Variants in GRAMD1B observed in about 807,000 individuals in gnomAD.
The protein encoded by GRAMD1B is protein Aster-B.
A neutral mutation model predicts 99.7 loss-of-function variants in GRAMD1B; 37 were observed. The observed-to-expected ratio is 0.37, with a 90% CI of 0.29 to 0.49. The LOEUF is 0.49. Among genes scored for constraint, GRAMD1B ranks in the 20% least tolerant of loss-of-function variants. The probability of loss-of-function intolerance (pLI) is 0.98; values close to 1 mark genes in which losing one functional copy is unlikely to be tolerated. For synonymous variants in GRAMD1B, 427 were observed against 387.6 expected (o/e 1.10, Z -1.19); for missense variants, 888 against 1,009.2 (o/e 0.88, Z 1.63).
chr11:123,586,663 C>G (rs916491120), intron 4 of GRAMD1B, among the ~76,000 whole-genome samples: 1 of 152,220 alleles, frequency 6.6e-6, no homozygotes, highest in Non-Finnish European at 1.5e-5. Context: ...CACCCCTCCA[C>G]AGCTGTCATC....
chr11:123,484,520 T>C (rs1028840059), intron 2 of GRAMD1B, among the ~76,000 whole-genome samples: 1 of 152,160 alleles, frequency 6.6e-6, no homozygotes, highest in African/African-American at 2.4e-5. Context: ...CCCGGGTCCT[T>C]TGTTCCCATC....
intron 2 of GRAMD1B, among the ~76,000 whole-genome samples, chr11:123,544,683 G>C (rs896958467): frequency 6.6e-6 from 1 of 152,228 alleles, no homozygotes; most frequent in East Asian, 1.9e-4. Flanking sequence ...GCCCACAGCG[G>C]CGGTTGTCAT....
chr11:123,592,049 A>G (rs1950719907), intron 4 of GRAMD1B, among the ~76,000 whole-genome samples: 1 of 152,202 alleles, frequency 6.6e-6, no homozygotes. Flanking sequence ...GCACTAGGAC[A>G]GGAAATTAGA....
intron 2 of GRAMD1B, among the ~76,000 whole-genome samples, chr11:123,541,765 C>G (rs1397019488): frequency 6.6e-6 from 1 of 152,138 alleles, no homozygotes; most frequent in Non-Finnish European, 1.5e-5. Flanking sequence ...GTTTCTACAT[C>G]TGGAATTATT....
At chr11:123,491,002 G>A (rs746307894) in intron 2 of GRAMD1B, among the ~76,000 whole-genome samples, 1 of 152,158 alleles carries the variant, frequency 6.6e-6, no homozygotes, top group Non-Finnish European at 1.5e-5. Context: ...ATTAATTCTG[G>A]GACTTTTTTT....
At chr11:123,400,231 T>C (rs7120872) in intron 1 of GRAMD1B, among the ~76,000 whole-genome samples, 87,485 of 151,904 alleles carry the variant, frequency 0.58, 28,280 homozygotes, top group African/African-American at 0.9. Flanking sequence ...AATCCCAGCA[T>C]TTTGGGAGGC....
chr11:123,386,864 G>A (rs950303679), intron 1 of GRAMD1B, among the ~76,000 whole-genome samples: 2 of 152,208 alleles, frequency 1.3e-5, no homozygotes, highest in African/African-American at 2.4e-5. Context: ...CCCTTTCCTT[G>A]GCTGTGAAAT....
intron 1 of GRAMD1B, among the ~76,000 whole-genome samples, chr11:123,423,251 C>T (rs1351217430): frequency 6.7e-6 from 1 of 150,258 alleles, no homozygotes; most frequent in African/African-American, 2.5e-5. Context: ...GACACACACA[C>T]ACACACACAC....
At chr11:123,499,634 C>T (rs1939651675) in intron 2 of GRAMD1B, among the ~76,000 whole-genome samples, 1 of 152,148 alleles carries the variant, frequency 6.6e-6, no homozygotes, top group African/African-American at 2.4e-5. Context: ...TTTTTCTTTG[C>T]CATTTCTCCT....
chr11:123,407,448 T>G (rs574642332), intron 1 of GRAMD1B, among the ~76,000 whole-genome samples: 112 of 152,306 alleles, frequency 7.4e-4, no homozygotes, highest in African/African-American at 2.6e-3. Flanking sequence ...GACCCAGGAC[T>G]CTCTTGTTTG....
intron 1 of GRAMD1B, among the ~76,000 whole-genome samples, chr11:123,383,433 A>G (rs1946952274): frequency 1.3e-5 from 2 of 152,196 alleles, no homozygotes; most frequent in Admixed American, 6.5e-5. Flanking sequence ...CATCTGTAAA[A>G]TGTTGGTAAT....
rs370016292 is a variant in GRAMD1B at position 123,440,679 on chromosome 11, TAAAGA to T, written c.374+9520_374+9524del. Among the ~76,000 whole-genome samples the T allele has an allele frequency of 1.1e-4, 17 of 152,346 alleles. No homozygotes were observed. The East Asian group carries it at 3.1e-3, about 28-fold the overall frequency. On this transcript the variant is annotated intron_variant, in intron 1 of 19. Coordinates refer to ENST00000635736, the MANE Select transcript of GRAMD1B (RefSeq NM_001387025.1). ...GTAATACCTGAGACTGGGTAACTTATAAAGAAAAGAAGTTTATTTGGCTCATGGTT... is the reference window on the plus strand; with the variant it reads ...GTAATACCTGAGACTGGGTAACTTATAAAGAAGTTTATTTGGCTCATGGTT...
intron 17 of GRAMD1B, chr11:123,618,344 G>A (rs757116544): frequency 1.9e-6 from 3 of 1,612,714 alleles, no homozygotes; most frequent in Non-Finnish European, 1.7e-6. Context: ...GCTCCCATTA[G>A]GATCTGTTTC....
chr11:123,552,754 C>A (rs895525220), intron 2 of GRAMD1B, among the ~76,000 whole-genome samples: 2 of 152,132 alleles, frequency 1.3e-5, no homozygotes, highest in African/African-American at 4.8e-5. Flanking sequence ...CTCTTTGACT[C>A]AATTTTCTCT....
intron 2 of GRAMD1B, among the ~76,000 whole-genome samples, chr11:123,548,345 CACACATATATAT>C (rs1945272617): frequency 8.6e-6 from 1 of 116,094 alleles, no homozygotes; most frequent in African/African-American, 4.3e-5. Flanking sequence ...CACACACACA[CACACATATATAT>C]ATATATGTAC....
At chr11:123,545,010 C>T (rs117444916) in intron 2 of GRAMD1B, among the ~76,000 whole-genome samples, 2,617 of 152,310 alleles carry the variant, frequency 0.017, 34 homozygotes, top group Non-Finnish European at 0.026. Context: ...TGATGTGCAG[C>T]GTGTCAAGTG....
chr11:123,528,060 G>C (rs377732563), intron 2 of GRAMD1B, among the ~76,000 whole-genome samples: 6 of 152,168 alleles, frequency 3.9e-5, no homozygotes, highest in South Asian at 2.1e-4. Flanking sequence ...GTGACCCACT[G>C]TCTCATTAAG....
chr11:123,436,737 T>C (rs983002803), intron 1 of GRAMD1B, among the ~76,000 whole-genome samples: 2 of 152,222 alleles, frequency 1.3e-5, no homozygotes, highest in African/African-American at 4.8e-5. Flanking sequence ...TTAACTACCA[T>C]TGAACATAAG....
At chr11:123,437,745 G>A (rs556202129) in intron 1 of GRAMD1B, among the ~76,000 whole-genome samples, 3 of 152,298 alleles carry the variant, frequency 2.0e-5, no homozygotes, top group South Asian at 4.1e-4. Flanking sequence ...GCTGGCGTGT[G>A]GTTTGCCTGT....
Sources: gnomAD v4.1 joint callset for allele counts (sites outside exome capture counted in the v4.1 genomes callset) on GRCh38, gnomAD v4.1.1 for gene constraint, MANE v1.5 for transcripts, NCBI Gene and HGNC (gene_info 2026-07-23, HGNC 2026-07-21) for gene names.